Variants in USP7 observed in about 807,000 individuals in gnomAD.
USP7 encodes the protein ubiquitin specific peptidase 7, also known as ubiquitin C-terminal hydrolase 7.
USP7 carries 9 observed loss-of-function variants against 162.9 expected under a neutral mutation model. The ratio of observed to expected loss-of-function variants is 0.06; its 90% CI spans 0.03 to 0.10. The LOEUF is 0.10. Ranked by LOEUF, USP7 falls within the 10% of genes least tolerant of loss-of-function variation. USP7 has a pLI of 1.00. For missense variants in USP7, 715 were observed against 1,373.7 expected, an observed-to-expected ratio of 0.52 and a Z score of 7.58; for synonymous variants, 562 against 475.9, an observed-to-expected ratio of 1.18 and a Z score of -2.35.
At chr16:8,953,540 C>A (rs1057493632) in intron 1 of USP7, among the ~76,000 whole-genome samples, 5 of 131,842 alleles carry the variant, frequency 3.8e-5, no homozygotes, top group Non-Finnish European at 1.7e-5. Context: ...AGGGAAGACA[C>A]GTGCCCCATG....
chr16:8,910,884 A>G, intron 10 of USP7, 57 bp from the exon 11 acceptor site: 2 of 1,376,830 alleles, frequency 1.5e-6, no homozygotes, highest in Non-Finnish European at 2.1e-6. Flanking sequence ...AATGTAGCCA[A>G]CACAGGTGTA....
intron 12 of USP7, among the ~76,000 whole-genome samples, 161 bp downstream of exon 12, chr16:8,908,180 C>A (rs2061890108): frequency 6.6e-6 from 1 of 152,196 alleles, no homozygotes; most frequent in African/African-American, 2.4e-5. Context: ...GACATAAAAT[C>A]ATTCCTTTAA....
At chr16:8,901,316 AAACG>A in intron 18 of USP7, 82 bp from the exon 19 acceptor site, 1 of 837,742 alleles carries the variant, frequency 1.2e-6, no homozygotes. Context: ...ACAAACAAAA[AAACG>A]AAAAAAAAAA....
At chr16:8,902,526 T>TA in intron 16 of USP7, 44 bp from the exon 17 acceptor site, 1 of 1,537,420 alleles carries the variant, frequency 6.5e-7, no homozygotes, top group South Asian at 1.1e-5. Flanking sequence ...AACACGCTCA[T>TA]ATTTTAGTCC....
chr16:8,920,494 T>C, intron 4 of USP7, 47 bp from the exon 5 acceptor site: 1 of 1,483,802 alleles, frequency 6.7e-7, no homozygotes, highest in Non-Finnish European at 9.2e-7. Context: ...GAACACACAT[T>C]TTATTCCCAA....
At chr16:8,901,971 C>T in intron 18 of USP7, 111 bp downstream of exon 18, 1 of 893,922 alleles carries the variant, frequency 1.1e-6, no homozygotes, top group Non-Finnish European at 1.7e-6. Context: ...TGGAATTGAT[C>T]AACACATCTT....
intron 1 of USP7, among the ~76,000 whole-genome samples, chr16:8,944,940 T>C (rs923695170): frequency 2.6e-5 from 4 of 152,004 alleles, no homozygotes; most frequent in Non-Finnish European, 5.9e-5. Context: ...AAACCTCGCC[T>C]CTACTAAAAA....
At chr16:8,895,600 T>C (rs2061668915) in intron 27 of USP7, 42 bp downstream of exon 27, 1 of 1,480,446 alleles carries the variant, frequency 6.8e-7, no homozygotes, top group East Asian at 2.3e-5. Flanking sequence ...CAGATGGGGC[T>C]CATGAATTCT....
intron 10 of USP7, among the ~76,000 whole-genome samples, chr16:8,913,293 T>C (rs1287160834): frequency 6.6e-6 from 1 of 151,924 alleles, no homozygotes; most frequent in Non-Finnish European, 1.5e-5. Context: ...GAGGTGGAGG[T>C]TGCAGTGAGC....
intron 10 of USP7, among the ~76,000 whole-genome samples, chr16:8,912,212 G>A (rs2061957938): frequency 6.6e-6 from 1 of 152,174 alleles, no homozygotes; most frequent in Admixed American, 6.5e-5. Flanking sequence ...AGCACTTTGG[G>A]AGGCAGAGGT....
chr16:8,945,918 C>A (rs1461698556), intron 1 of USP7, among the ~76,000 whole-genome samples: 1 of 151,998 alleles, frequency 6.6e-6, no homozygotes, highest in Admixed American at 6.6e-5. Flanking sequence ...AAAACAACAG[C>A]ACTGATTGAG....
At chr16:8,946,638 A>G (rs1368371365) in intron 1 of USP7, among the ~76,000 whole-genome samples, 2 of 152,218 alleles carry the variant, frequency 1.3e-5, no homozygotes, top group African/African-American at 2.4e-5. Context: ...GACACTCTGA[A>G]GAGCATACAG....
intron 1 of USP7, among the ~76,000 whole-genome samples, chr16:8,936,964 T>G (rs1898774063): frequency 6.6e-6 from 1 of 152,076 alleles, no homozygotes; most frequent in Non-Finnish European, 1.5e-5. Flanking sequence ...AGAAAGTCGC[T>G]GGGGGGCACA....
chr16:8,919,257 C>T, intron 5 of USP7, 118 bp from the exon 6 acceptor site: 1 of 914,684 alleles, frequency 1.1e-6, no homozygotes, highest in Non-Finnish European at 1.8e-6. Flanking sequence ...GAACACTTAT[C>T]ACACAGCATC....
At chr16:8,904,609 TC>T (rs773153852) in intron 14 of USP7, 44 bp from the exon 15 acceptor site, 1 of 1,604,592 alleles carries the variant, frequency 6.2e-7, no homozygotes, top group South Asian at 1.1e-5. Flanking sequence ...AGATGGACTT[TC>T]CCCTCTTAGA....
chr16:8,915,143 G>T, intron 10 of USP7, 111 bp downstream of exon 10: 1 of 1,027,884 alleles, frequency 9.7e-7, no homozygotes, highest in Non-Finnish European at 1.4e-6. Flanking sequence ...TAAGATCTGA[G>T]CCATTCTCTG....
chr16:8,945,274 C>G (rs541205468), intron 1 of USP7, among the ~76,000 whole-genome samples: 1 of 151,980 alleles, frequency 6.6e-6, no homozygotes, highest in Admixed American at 6.5e-5. Flanking sequence ...ATCCCAGCTA[C>G]TCGGGAGGCT....
intron 1 of USP7, among the ~76,000 whole-genome samples, chr16:8,950,027 T>C (rs865784612): frequency 3.9e-4 from 59 of 152,378 alleles, no homozygotes; most frequent in Non-Finnish European, 6.0e-4. Context: ...AGGAGCTGCA[T>C]GTGGCAACTG....
intron 3 of USP7, 88 bp from the exon 4 acceptor site, chr16:8,921,383 T>C: frequency 6.8e-7 from 1 of 1,461,052 alleles, no homozygotes. Context: ...CACACCAAAA[T>C]TCCCATTTAT....
Sources: gnomAD v4.1 joint callset for allele counts (sites outside exome capture counted in the v4.1 genomes callset) on GRCh38, gnomAD v4.1.1 for gene constraint, MANE v1.5 for transcripts, NCBI Gene and HGNC (gene_info 2026-07-23, HGNC 2026-07-21) for gene names.